FBXO16: variants seen among roughly 807,000 people sequenced by gnomAD.
FBXO16 encodes F-box protein 16.
FBXO16 carries 31 observed loss-of-function variants against 41.0 expected under a neutral mutation model. The observed-to-expected ratio is 0.76, with a 90% CI of 0.57 to 1.02. FBXO16 has a LOEUF of 1.02. Among genes scored for constraint, FBXO16 ranks in the 50% least tolerant of loss-of-function variants. The pLI is 0.00. For synonymous variants in FBXO16, 133 were observed against 117.8 expected (o/e 1.13, Z -0.84); for missense variants, 361 against 346.2 (o/e 1.04, Z -0.34).
intron 1 of FBXO16, among the ~76,000 whole-genome samples, chr8:28,484,072 G>A (rs1019892186): frequency 3.3e-5 from 5 of 152,170 alleles, no homozygotes; most frequent in Non-Finnish European, 7.3e-5. Flanking sequence ...TGGTGTAACT[G>A]GTAGTCAGAC....
intron 5 of FBXO16, 51 bp from the exon 6 acceptor site, chr8:28,452,527 G>A (rs1183258703): frequency 1.9e-6 from 3 of 1,570,282 alleles, no homozygotes; most frequent in Non-Finnish European, 8.7e-7. Context: ...TACGCTGGGT[G>A]CGGTGGCTCA....
intron 7 of FBXO16, 105 bp from the exon 8 acceptor site, chr8:28,429,508 C>T (rs12334678): frequency 0.14 from 185,831 of 1,348,486 alleles, 14,999 homozygotes; most frequent in African/African-American, 0.27. Flanking sequence ...AAAGTTCGCC[C>T]TTATCTTGGT....
chr8:28,440,169 C>T (rs1802747591), intron 7 of FBXO16, among the ~76,000 whole-genome samples: 1 of 152,032 alleles, frequency 6.6e-6, no homozygotes, highest in Non-Finnish European at 1.5e-5. Flanking sequence ...GTGGCACAAT[C>T]ATGGCTCACT....
At chr8:28,458,693 C>T (rs1447911629) in intron 4 of FBXO16, among the ~76,000 whole-genome samples, 1 of 152,006 alleles carries the variant, frequency 6.6e-6, no homozygotes, top group African/African-American at 2.4e-5. Flanking sequence ...GCTGGGATTA[C>T]AGGCATGCGC....
intron 1 of FBXO16, among the ~76,000 whole-genome samples, chr8:28,485,037 C>A (rs1400743076): frequency 2.6e-5 from 4 of 152,130 alleles, no homozygotes; most frequent in Admixed American, 2.0e-4. Flanking sequence ...TATATACACT[C>A]AGGGTTGCAG....
chr8:28,482,967 T>C (rs1803540072), intron 2 of FBXO16, among the ~76,000 whole-genome samples: 1 of 152,170 alleles, frequency 6.6e-6, no homozygotes, highest in Non-Finnish European at 1.5e-5. Context: ...ATGTGCAGCA[T>C]TACCCAGCAA....
chr8:28,444,583 T>C (rs943110797), intron 7 of FBXO16, among the ~76,000 whole-genome samples: 2 of 150,234 alleles, frequency 1.3e-5, no homozygotes, highest in African/African-American at 4.9e-5. Flanking sequence ...GTTCACGCCA[T>C]TCTCCTGCCT....
intron 4 of FBXO16, among the ~76,000 whole-genome samples, chr8:28,461,423 C>G (rs1803132368): frequency 6.6e-6 from 1 of 152,196 alleles, no homozygotes; most frequent in South Asian, 2.1e-4. Context: ...TAAAACAAAT[C>G]TCAATCTGAG....
Position 28,452,346 on chromosome 8 carries a change from T to C in FBXO16, c.638A>G (p.Glu213Gly). Residue 213 changes from glutamate to glycine, a missense_variant, in exon 6 of 9, where the codon GAG becomes GGG. Physicochemically the swap from Glu to Gly is moderately conservative, Grantham distance 98. Transcript: ENST00000380254. ...SSLRKKNNSGEKALPPWRSSD... is the reference protein window; with the variant it reads ...SSLRKKNNSGGKALPPWRSSD... The stretch of plus-strand genomic sequence containing the variant: ...AGATCGCCAGGGTGGAAGTGCTTTC[T>C]CCCCTGAGTTATTCTTCTTTCTTAA... The C allele has an allele frequency of 6.2e-7, 1 of 1,614,196 alleles. No homozygotes were observed. Among genetic ancestry groups the C allele is most frequent in the Non-Finnish European group, 8.5e-7 (1 of 1,180,044 alleles).
chr8:28,432,132 T>TGA (rs1563355849), intron 7 of FBXO16, among the ~76,000 whole-genome samples: 1 of 35,524 alleles, frequency 2.8e-5, no homozygotes, highest in Non-Finnish European at 7.7e-5. Context: ...GTATGGAGTG[T>TGA]GTGTGTGTGT....
intron 7 of FBXO16, among the ~76,000 whole-genome samples, chr8:28,438,177 G>A (rs1234291857): frequency 6.6e-6 from 1 of 152,062 alleles, no homozygotes; most frequent in African/African-American, 2.4e-5. Flanking sequence ...TTAGCCAGGC[G>A]TGGTGGTACA....
intron 4 of FBXO16, among the ~76,000 whole-genome samples, chr8:28,461,229 A>C (rs1198686236): frequency 1.3e-5 from 2 of 151,930 alleles, no homozygotes; most frequent in Non-Finnish European, 2.9e-5. Context: ...TATGGCTTTT[A>C]CCATGTTGCA....
At chr8:28,464,976 T>C (rs1021522840) in intron 3 of FBXO16, among the ~76,000 whole-genome samples, 1 of 152,202 alleles carries the variant, frequency 6.6e-6, no homozygotes, top group African/African-American at 2.4e-5. Context: ...ATAATCTGTT[T>C]ATAATTATTT....
chr8:28,460,445 T>TTTTTTTTTTTA (rs371229894), intron 4 of FBXO16, among the ~76,000 whole-genome samples: 1 of 135,586 alleles, frequency 7.4e-6, no homozygotes, highest in African/African-American at 3.1e-5. Context: ...TTTTTTTTTT[T>TTTTTTTTTTTA]GAGACAGCGT....
chr8:28,452,298 A>G lies in FBXO16; in HGVS notation c.686T>C (p.Ile229Thr), dbSNP rs748653752. The G allele has an allele frequency of 2.0e-5, 33 of 1,614,140 alleles. No individual in the cohort carries two copies. In the South Asian group the frequency reaches 3.0e-4, roughly 14 times the overall value. ...WRSSDKHPTD[I>T]IRFNYLDNRD... ...GTTGTCTAGGTAATTAAAACGAATG[A>G]TATCTGTTGGGTGCTTATCAGAAGA... The change falls in exon 6 of 9, where the codon ATC becomes ACC. Residue 229 changes from isoleucine to threonine, a missense_variant. By Grantham distance (89) the Ile-to-Thr change is moderately conservative. Transcript: ENST00000380254.
intron 4 of FBXO16, 126 bp downstream of exon 4, chr8:28,463,486 G>T: frequency 1.1e-6 from 1 of 885,420 alleles, no homozygotes. Flanking sequence ...ATTTGTGTGT[G>T]TTTGTGTGTA....
intron 7 of FBXO16, among the ~76,000 whole-genome samples, chr8:28,441,672 G>C (rs569301326): frequency 6.8e-4 from 101 of 149,510 alleles, no homozygotes; most frequent in African/African-American, 2.3e-3. Context: ...GGAGGTGGAG[G>C]TTGCAGTGAG....
chr8:28,457,352 C>A (rs1169380804), intron 4 of FBXO16, among the ~76,000 whole-genome samples: 1 of 152,010 alleles, frequency 6.6e-6, no homozygotes, highest in Non-Finnish European at 1.5e-5. Flanking sequence ...TTTTTTTATT[C>A]TTTTCATGGT....
intron 6 of FBXO16, among the ~76,000 whole-genome samples, chr8:28,450,067 G>GTAC (rs571046431): frequency 6.4e-4 from 97 of 150,828 alleles, no homozygotes; most frequent in South Asian, 1.7e-3. Flanking sequence ...GTTTTAAAAT[G>GTAC]TACTACAGAG....
Sources: gnomAD v4.1 joint callset for allele counts (sites outside exome capture counted in the v4.1 genomes callset) on GRCh38, gnomAD v4.1.1 for gene constraint, MANE v1.5 for transcripts, NCBI Gene and HGNC (gene_info 2026-07-23, HGNC 2026-07-21) for gene names.